Variants in DENND2B observed in about 807,000 individuals in gnomAD.
DENND2B encodes DENN domain containing 2B.
In DENND2B, 32 loss-of-function variants were observed where a neutral mutation model predicts 116.0. The ratio of observed to expected loss-of-function variants is 0.28; its 90% CI spans 0.21 to 0.37. DENND2B has a LOEUF of 0.37. Ranked by LOEUF, DENND2B falls within the 10% of genes least tolerant of loss-of-function variation. DENND2B has a pLI of 1.00. For missense variants in DENND2B, 1,276 were observed against 1,477.7 expected (o/e 0.86, Z 2.24); for synonymous variants, 588 against 583.9 (o/e 1.01, Z -0.10).
intron 14 of DENND2B, among the ~76,000 whole-genome samples, chr11:8,701,381 C>A (rs980622507): frequency 1.4e-5 from 2 of 138,272 alleles, no homozygotes; most frequent in Non-Finnish European, 3.0e-5. Context: ...GAATGACATG[C>A]CTGGTCAAAC....
chr11:8,786,429 T>G (rs902832350), intron 1 of DENND2B, among the ~76,000 whole-genome samples: 1 of 152,218 alleles, frequency 6.6e-6, no homozygotes, highest in African/African-American at 2.4e-5. Flanking sequence ...CATTAAAACA[T>G]GAAACTCATT....
intron 2 of DENND2B, among the ~76,000 whole-genome samples, chr11:8,866,866 T>TA (rs1425566453): frequency 1.3e-5 from 2 of 152,198 alleles, no homozygotes; most frequent in Non-Finnish European, 2.9e-5. Flanking sequence ...GTCCTGGTGA[T>TA]AATTTCACCT....
intron 3 of DENND2B, among the ~76,000 whole-genome samples, chr11:8,839,701 C>G (rs967196323): frequency 1.3e-5 from 2 of 152,106 alleles, no homozygotes; most frequent in African/African-American, 4.8e-5. Context: ...AGCTCTTAAC[C>G]TCAAAGGGTT....
chr11:8,826,349 T>C (rs79194179), intron 4 of DENND2B, among the ~76,000 whole-genome samples: 1,604 of 152,344 alleles, frequency 0.011, 37 homozygotes, highest in African/African-American at 0.037. Flanking sequence ...ATCACAGTGA[T>C]ATTTTTAACT....
In DENND2B at chr11:8,696,426, C is replaced by G; in HGVS notation, c.3292+1G>C. On this transcript the variant is annotated splice_donor_variant, in intron 18 of 19. Transcript: ENST00000313726. LOFTEE classifies it high-confidence loss of function. ...GAAGAGAGCTGATAACCAAGACTTA[C>G]CCTTTGCCCGACACTTTCTTAGCTC... 6.2e-7 allele frequency: 1 copy of G among 1,614,142 alleles called. No homozygotes were observed. Among genetic ancestry groups the G allele is most frequent in the African/African-American group, 1.3e-5 (1 of 75,036 alleles).
intron 2 of DENND2B, among the ~76,000 whole-genome samples, chr11:8,880,135 T>C (rs2134726146): frequency 6.6e-6 from 1 of 152,280 alleles, no homozygotes; most frequent in African/African-American, 2.4e-5. Context: ...CCATCTTCAG[T>C]CTCCTAGAAG....
chr11:8,708,952 CA>C (rs10569712), intron 11 of DENND2B, among the ~76,000 whole-genome samples: 69,418 of 136,324 alleles, frequency 0.51, 16,894 homozygotes, highest in Middle Eastern at 0.57. Context: ...AACTCTGTCT[CA>C]AAAAAAAAAA....
In DENND2B at chr11:8,717,613, C is replaced by T. The variant is rs117231364; in HGVS notation, c.1629+128G>A. On this transcript the variant is annotated intron_variant, in intron 5 of 19. Coordinates refer to ENST00000313726, the MANE Select transcript of DENND2B (RefSeq NM_213618.2). ...TCGGGCACGTTCAGGGTGGTATGGCCGTAGACCCTTTATCAAGTACTAGTG... is the reference window on the plus strand; with the variant it reads ...TCGGGCACGTTCAGGGTGGTATGGCTGTAGACCCTTTATCAAGTACTAGTG... The T allele has an allele frequency of 4.8e-4, 575 of 1,198,098 alleles. 1 individual carries two copies. In the East Asian group the frequency reaches 6.0e-3, roughly 13 times the overall value. 74.2% of individuals were successfully genotyped at this position (1,198,098 alleles called of 1,614,324 possible).
At chr11:8,835,946 C>G (rs1043593609) in intron 4 of DENND2B, among the ~76,000 whole-genome samples, 28 of 149,882 alleles carry the variant, frequency 1.9e-4, no homozygotes, top group African/African-American at 6.3e-4. Flanking sequence ...AATAAACTAC[C>G]CCAGAGTTCT....
chr11:8,729,846 GAAGCAC>G, intron 3 of DENND2B, 98 bp downstream of exon 3: 5 of 1,428,306 alleles, frequency 3.5e-6, no homozygotes, highest in Non-Finnish European at 4.8e-6. Context: ...CAGAGCTTAC[GAAGCAC>G]TAATGACTGC....
At chr11:8,813,880 T>TACA (rs1175930271), upstream of DENND2B, among the ~76,000 whole-genome samples, 1 of 152,150 alleles carries the variant, frequency 6.6e-6, no homozygotes. Context: ...TGCTACTGTG[T>TACA]ACACACTCCT....
intron 1 of DENND2B, among the ~76,000 whole-genome samples, chr11:8,782,886 CAAAAAA>C (rs66930048): frequency 8.1e-5 from 8 of 98,884 alleles, no homozygotes; most frequent in Non-Finnish European, 9.9e-5. Context: ...GACTCTGTCT[CAAAAAA>C]AAAAAAAAAA....
chr11:8,870,663 C>A (rs1415468093), intron 2 of DENND2B, among the ~76,000 whole-genome samples: 2 of 152,008 alleles, frequency 1.3e-5, no homozygotes, highest in Non-Finnish European at 2.9e-5. Flanking sequence ...GGTCTCCGCT[C>A]GGCACCAGGC....
chr11:8,857,289 C>A (rs1351998350), intron 3 of DENND2B: 1 of 152,182 alleles, frequency 6.6e-6, no homozygotes, highest in East Asian at 1.9e-4. Flanking sequence ...CCACAAATCT[C>A]TAAAAACAGA....
intron 19 of DENND2B, chr11:8,694,470 C>G (rs2039968840): frequency 2.2e-6 from 1 of 457,662 alleles, no homozygotes; most frequent in Admixed American, 2.6e-5. Flanking sequence ...GTCTGCAGAC[C>G]TGTTATGGTC....
intron 1 of DENND2B, among the ~76,000 whole-genome samples, chr11:8,773,903 T>C (rs925350683): frequency 6.6e-6 from 1 of 152,216 alleles, no homozygotes; most frequent in Non-Finnish European, 1.5e-5. Flanking sequence ...ATGTAACATT[T>C]ATAAAAAATA....
At chr11:8,760,804 G>C (rs149864039) in intron 1 of DENND2B, among the ~76,000 whole-genome samples, 256 of 152,272 alleles carry the variant, frequency 1.7e-3, no homozygotes, top group African/African-American at 5.9e-3. Context: ...TGGGGATAGT[G>C]AGCCTGGTCA....
chr11:8,747,111 C>T (rs1294362755), intron 2 of DENND2B, among the ~76,000 whole-genome samples: 4 of 152,154 alleles, frequency 2.6e-5, no homozygotes, highest in Non-Finnish European at 4.4e-5. Flanking sequence ...AGGCTGCTCT[C>T]CCATCTATCT....
chr11:8,818,368 A>G (rs1296776002), intron 4 of DENND2B, among the ~76,000 whole-genome samples: 2 of 152,052 alleles, frequency 1.3e-5, no homozygotes, highest in Admixed American at 6.5e-5. Context: ...AGGATTGCGG[A>G]GGCAAGGTGC....
Sources: allele counts gnomAD v4.1 joint callset (sites outside exome capture counted in the v4.1 genomes callset), GRCh38; gene constraint gnomAD v4.1.1; transcripts MANE v1.5; gene names NCBI Gene and HGNC (gene_info 2026-07-23, HGNC 2026-07-21).